Variants in LRP1B observed in about 807,000 individuals in gnomAD.
The protein encoded by LRP1B is LDL receptor related protein 1B.
LRP1B carries 217 observed loss-of-function variants against 556.6 expected under a neutral mutation model. That is an observed-to-expected ratio of 0.39 (90% CI 0.35 to 0.44). LRP1B has a LOEUF of 0.44. Ranked by LOEUF, LRP1B falls within the 20% of genes least tolerant of loss-of-function variation. LRP1B has a pLI of 1.00. For missense variants in LRP1B, 5,053 were observed against 5,620.8 expected, an observed-to-expected ratio of 0.90 and a Z score of 3.23; for synonymous variants, 2,047 against 1,865.8, an observed-to-expected ratio of 1.10 and a Z score of -2.50.
At chr2:141,188,118 A>C (rs1283717888) in intron 7 of LRP1B, among the ~76,000 whole-genome samples, 1 of 151,960 alleles carries the variant, frequency 6.6e-6, no homozygotes, top group East Asian at 1.9e-4. Flanking sequence ...CCTCTCTTTA[A>C]CCTAAAAATA....
intron 61 of LRP1B, among the ~76,000 whole-genome samples, chr2:140,456,834 C>A (rs745971229): frequency 7.2e-5 from 11 of 151,884 alleles, no homozygotes; most frequent in Non-Finnish European, 1.3e-4. Context: ...TTCTACAAAA[C>A]AAAAATTTTA....
intron 6 of LRP1B, among the ~76,000 whole-genome samples, chr2:141,205,510 G>A (rs959094273): frequency 1.3e-5 from 2 of 152,080 alleles, no homozygotes; most frequent in Non-Finnish European, 2.9e-5. Context: ...TCTATTATCT[G>A]TATTTTATCA....
At chr2:141,863,023 T>C (rs1039653732) in intron 1 of LRP1B, among the ~76,000 whole-genome samples, 8 of 152,230 alleles carry the variant, frequency 5.3e-5, no homozygotes, top group African/African-American at 1.9e-4. Flanking sequence ...CTGTCATTCC[T>C]TGAAACTTGC....
chr2:141,039,998 G>A (rs909835226), intron 11 of LRP1B, among the ~76,000 whole-genome samples: 4 of 151,970 alleles, frequency 2.6e-5, no homozygotes, highest in African/African-American at 9.7e-5. Flanking sequence ...CTGTCAACAG[G>A]AGTCAGTATG....
intron 43 of LRP1B, among the ~76,000 whole-genome samples, chr2:140,571,456 A>T (rs527397724): frequency 6.6e-6 from 1 of 151,972 alleles, no homozygotes; most frequent in South Asian, 2.1e-4. Flanking sequence ...TTAACCAAAG[A>T]AGTGAAATAT....
At chr2:140,504,881 A>G (rs1157984449) in intron 53 of LRP1B, among the ~76,000 whole-genome samples, 1 of 152,200 alleles carries the variant, frequency 6.6e-6, no homozygotes, top group East Asian at 1.9e-4. Context: ...CCTTTGCTCC[A>G]TGGCAGTATT....
chr2:141,883,357 G>A (rs1558938400), intron 1 of LRP1B, among the ~76,000 whole-genome samples: 1 of 152,156 alleles, frequency 6.6e-6, no homozygotes, highest in Non-Finnish European at 1.5e-5. Context: ...ATTTTAATTA[G>A]TTGGGAGAAA....
In LRP1B at chr2:140,655,034, A is replaced by G. The variant is rs531192022; in HGVS notation, c.6799+45216T>C. On this transcript the variant is annotated intron_variant, in intron 41 of 90. Coordinates refer to ENST00000389484, the MANE Select transcript of LRP1B (RefSeq NM_018557.3). The stretch of plus-strand genomic sequence containing the variant: ...GAAATTTGTATGGGTATATGTATGT[A>G]TATATATATATATCTCCTAGCTCTC... Among the ~76,000 whole-genome samples the G allele has an allele frequency of 6.5e-4, 96 of 147,872 alleles. 1 individual carries two copies. Among genetic ancestry groups the G allele is most frequent in the Admixed American group, 3.0e-3 (45 of 14,920 alleles).
intron 2 of LRP1B, among the ~76,000 whole-genome samples, chr2:141,748,107 T>A (rs936438020): frequency 3.3e-5 from 5 of 152,214 alleles, no homozygotes; most frequent in African/African-American, 9.6e-5. Context: ...CAAAGCTAAT[T>A]TATAATCTTA....
chr2:142,101,427 T>C (rs781137523), intron 1 of LRP1B, among the ~76,000 whole-genome samples: 1 of 152,028 alleles, frequency 6.6e-6, no homozygotes, highest in African/African-American at 2.4e-5. Context: ...CTGCATATGT[T>C]ACGTATATTT....
Position 141,632,896 on chromosome 2 carries a change from A to T in LRP1B, c.206-152363T>A, listed in dbSNP as rs541182113. 3.8e-3 allele frequency among the ~76,000 whole-genome samples: 575 copies of T among 150,708 alleles called. 8 individuals are homozygous for T. Among genetic ancestry groups the T allele is most frequent in the African/African-American group, 0.013 (535 of 41,198 alleles). On this transcript the variant is annotated intron_variant, in intron 2 of 90. Transcript: ENST00000389484. ...AAAAAAAAAAAAAAAAAAGTATAAA[A>T]CTCATTCTCTGGGGCAGGACCATTA...
rs1415044115 is a variant in LRP1B, at chr2:140,449,100, A to G, written c.10057+1468T>C. 2.0e-5 allele frequency among the ~76,000 whole-genome samples: 3 copies of G among 152,084 alleles called. No homozygotes were observed. The East Asian group carries it at 5.8e-4, about 29-fold the overall frequency. The stretch of plus-strand genomic sequence containing the variant: ...CAATATGGTTCCAGGATGAAATTTC[A>G]GTCAAAATTACAAATAGAGGTCAGG... On this transcript the variant is annotated intron_variant, in intron 63 of 90. Coordinates refer to ENST00000389484, the MANE Select transcript of LRP1B (RefSeq NM_018557.3).
At chr2:141,668,808 C>T (rs1275001083) in intron 2 of LRP1B, among the ~76,000 whole-genome samples, 1 of 152,164 alleles carries the variant, frequency 6.6e-6, no homozygotes, top group Non-Finnish European at 1.5e-5. Context: ...AACAAGCCTA[C>T]TGGGGCTTTG....
At chr2:141,176,462 C>T (rs973804413) in intron 7 of LRP1B, among the ~76,000 whole-genome samples, 2 of 152,148 alleles carry the variant, frequency 1.3e-5, no homozygotes, top group East Asian at 3.9e-4. Context: ...CCCTTGGTCT[C>T]TCTCTCACCA....
intron 3 of LRP1B, among the ~76,000 whole-genome samples, chr2:141,340,682 G>C (rs1487669257): frequency 6.6e-6 from 1 of 152,068 alleles, no homozygotes; most frequent in African/African-American, 2.4e-5. Flanking sequence ...CCAAAGAAAA[G>C]GTAATATAAT....
intron 10 of LRP1B, among the ~76,000 whole-genome samples, chr2:141,054,618 C>T (rs2105454551): frequency 6.6e-6 from 1 of 151,906 alleles, no homozygotes; most frequent in East Asian, 1.9e-4. Flanking sequence ...AATGTTTGAT[C>T]TCTAATTAGG....
chr2:140,468,397 G>A (rs531739336), intron 60 of LRP1B, among the ~76,000 whole-genome samples: 2 of 152,258 alleles, frequency 1.3e-5, no homozygotes, highest in South Asian at 2.1e-4. Context: ...ACAGTGGTAG[G>A]GCCACAGTAG....
intron 1 of LRP1B, among the ~76,000 whole-genome samples, chr2:142,100,294 C>G (rs1048720578): frequency 6.6e-6 from 1 of 151,882 alleles, no homozygotes. Flanking sequence ...AGCACCAATG[C>G]TCTATGAAGT....
chr2:141,152,668 T>C (rs1026015298), intron 7 of LRP1B, among the ~76,000 whole-genome samples: 3 of 151,906 alleles, frequency 2.0e-5, no homozygotes, highest in African/African-American at 7.2e-5. Context: ...GAATAATATA[T>C]GGTATTACAC....
Sources: allele counts gnomAD v4.1 joint callset (sites outside exome capture counted in the v4.1 genomes callset), GRCh38; gene constraint gnomAD v4.1.1; transcripts MANE v1.5; gene names NCBI Gene and HGNC (gene_info 2026-07-23, HGNC 2026-07-21).